The following AKR1C3 variants were observed in gnomAD, a reference collection of about 807,000 sequenced individuals.
AKR1C3 encodes 3-alpha hydroxysteroid dehydrogenase, type II.
A neutral mutation model predicts 43.6 loss-of-function variants in AKR1C3; 48 were observed. That is an observed-to-expected ratio of 1.10 (90% CI 0.87 to 1.40). The LOEUF is 1.40. Among genes scored for constraint, AKR1C3 ranks in the 40% most tolerant of loss-of-function variants. The probability of loss-of-function intolerance (pLI) is 0.00; values close to 1 mark genes in which losing one functional copy is unlikely to be tolerated. For missense variants in AKR1C3, 482 were observed against 391.2 expected, an observed-to-expected ratio of 1.23 and a Z score of -1.96; for synonymous variants, 162 against 139.6, an observed-to-expected ratio of 1.16 and a Z score of -1.13.
At chr10:5,052,842 T>G (rs1838179720) in intron 1 of AKR1C3, among the ~76,000 whole-genome samples, 1 of 151,968 alleles carries the variant, frequency 6.6e-6, no homozygotes, top group African/African-American at 2.4e-5. Context: ...TGCAGGGTGC[T>G]GATTGGTGTG....
At chr10:5,082,851 G>C (rs572378090) in intron 1 of AKR1C3, among the ~76,000 whole-genome samples, 17 of 152,266 alleles carry the variant, frequency 1.1e-4, no homozygotes, top group African/African-American at 3.6e-4. Context: ...TTTTAAAAGA[G>C]ATTCCATAAA....
chr10:5,074,823 G>C (rs1278053889), intron 1 of AKR1C3, among the ~76,000 whole-genome samples: 2 of 152,174 alleles, frequency 1.3e-5, no homozygotes, highest in Non-Finnish European at 2.9e-5. Flanking sequence ...TATCTTTACA[G>C]TTGCGGTCAC....
chr10:5,055,587 A>C (rs1314421295), intron 1 of AKR1C3, among the ~76,000 whole-genome samples: 1 of 152,186 alleles, frequency 6.6e-6, no homozygotes, highest in East Asian at 1.9e-4. Flanking sequence ...TTGCTACTAC[A>C]TTAATTTCCT....
intron 1 of AKR1C3, among the ~76,000 whole-genome samples, chr10:5,063,995 GT>G (rs1212506602): frequency 3.3e-5 from 5 of 152,096 alleles, no homozygotes; most frequent in African/African-American, 9.7e-5. Context: ...TTTCAGGAAT[GT>G]TTACAGCATC....
chr10:5,059,445 C>G (rs1398165526), intron 1 of AKR1C3, among the ~76,000 whole-genome samples: 3 of 152,158 alleles, frequency 2.0e-5, no homozygotes, highest in Admixed American at 6.5e-5. Context: ...CAGGGTCAAC[C>G]AACTTGTCAT....
chr10:5,055,316 A>T (rs1227945593), intron 1 of AKR1C3, among the ~76,000 whole-genome samples: 1 of 152,172 alleles, frequency 6.6e-6, no homozygotes, highest in Non-Finnish European at 1.5e-5. Flanking sequence ...GTCATGCTCA[A>T]TTGGTTCCCC....
At chr10:5,094,823 C>T (rs1228943835) in intron 1 of AKR1C3, among the ~76,000 whole-genome samples, 4 of 152,110 alleles carry the variant, frequency 2.6e-5, no homozygotes, top group African/African-American at 9.7e-5. Context: ...TGGTCATCTC[C>T]CTCTGGTGGA....
chr10:5,099,362 G>A lies in AKR1C3; in HGVS notation c.483G>A (p.Lys161=), dbSNP rs782550556. The A allele has an allele frequency of 3.7e-6, 6 of 1,614,058 alleles. No homozygotes were observed. The highest frequency in any genetic ancestry group is 2.2e-5 in the South Asian group (2 of 91,086). ...AGTGTAAGGATGCAGGATTGGCCAAGTCCATTGGGGTGTCAAACTTCAACC... is the reference window on the plus strand; with the variant it reads ...AGTGTAAGGATGCAGGATTGGCCAAATCCATTGGGGTGTCAAACTTCAACC... The part of the protein sequence containing the change: ...MEKCKDAGLA[K]SIGVSNFNRR... Residue 161 remains lysine, a synonymous_variant, in exon 5 of 9, where the codon AAG becomes AAA. Coordinates refer to ENST00000380554, the MANE Select transcript of AKR1C3 (RefSeq NM_003739.6).
rs536523494 is a variant in AKR1C3, at chr10:5,084,025, G to T, written c.85-12385G>T. The stretch of plus-strand genomic sequence containing the variant: ...TGCAAAAATTTTCTCCCATTCTGTA[G>T]GTTGCCTGTTCACTCTGATGGTAAT... On this transcript the variant is annotated intron_variant, in intron 1 of 8. Coordinates refer to the AKR1C3 transcript ENST00000439082. 3.3e-5 allele frequency among the ~76,000 whole-genome samples: 5 copies of T among 152,250 alleles called. No individual in the cohort carries two copies. The East Asian group carries it at 9.6e-4, about 29-fold the overall frequency.
At chr10:5,092,258 A>T (rs1839108587), upstream of AKR1C3, among the ~76,000 whole-genome samples, 1 of 152,050 alleles carries the variant, frequency 6.6e-6, no homozygotes, top group Non-Finnish European at 1.5e-5. Flanking sequence ...ATTTTAATGT[A>T]TGTGGGCCTT....
intron 7 of AKR1C3, among the ~76,000 whole-genome samples, chr10:5,104,613 G>C (rs1353331027): frequency 1.3e-5 from 2 of 152,054 alleles, no homozygotes; most frequent in Non-Finnish European, 2.9e-5. Context: ...ATCCATGAAA[G>C]AGTACATATT....
At chr10:5,063,421 T>TA (rs782447595) in intron 1 of AKR1C3, among the ~76,000 whole-genome samples, 11 of 152,214 alleles carry the variant, frequency 7.2e-5, no homozygotes, top group African/African-American at 1.9e-4. Context: ...AATGTCATTT[T>TA]AAAAAATCAC....
intron 1 of AKR1C3, among the ~76,000 whole-genome samples, chr10:5,087,535 G>T (rs1208860378): frequency 2.6e-5 from 4 of 151,634 alleles, no homozygotes; most frequent in Non-Finnish European, 5.9e-5. Flanking sequence ...ACCATGCCTG[G>T]CTACTGTTTT....
Position 5,107,535 on chromosome 10 carries a change from G to A in AKR1C3, c.*32G>A, listed in dbSNP as rs781841468. On this transcript the variant is annotated 3_prime_UTR_variant, in exon 9 of 9. Transcript: ENST00000380554. ...GGGCTTTGCCTGATGTCTACCAGAA[G>A]CCCTGTGTGTGGATGGTGACGCAGA... 1.3e-6 allele frequency: 2 copies of A among 1,542,416 alleles called. No homozygotes were observed. The highest frequency in any genetic ancestry group is 1.8e-6 in the Non-Finnish European group (2 of 1,117,102).
At chr10:5,063,789 AGGAAAAT>A (rs1838434937) in intron 1 of AKR1C3, among the ~76,000 whole-genome samples, 1 of 134,908 alleles carries the variant, frequency 7.4e-6, no homozygotes, top group Non-Finnish European at 1.6e-5. Context: ...AAAAAAAAAA[AGGAAAAT>A]GGCACAAGTA....
intron 4 of AKR1C3, 113 bp downstream of exon 4, chr10:5,098,992 C>A: frequency 1.0e-6 from 1 of 966,828 alleles, no homozygotes; most frequent in Non-Finnish European, 1.5e-6. Context: ...AATTCAGAAA[C>A]TTTACAAGAG....
At chr10:5,095,300 T>C (rs971737018) in intron 1 of AKR1C3, among the ~76,000 whole-genome samples, 8 of 152,100 alleles carry the variant, frequency 5.3e-5, no homozygotes, top group Admixed American at 1.3e-4. Context: ...TTTGAGTCTC[T>C]CACTTTATCG....
chr10:5,085,435 T>G (rs1440336102), intron 1 of AKR1C3, among the ~76,000 whole-genome samples: 1 of 150,576 alleles, frequency 6.6e-6, no homozygotes, highest in Non-Finnish European at 1.5e-5. Flanking sequence ...CCCACTTGAT[T>G]ATGGTGGATA....
At chr10:5,070,354 TAATG>T (rs1838592921) in intron 1 of AKR1C3, among the ~76,000 whole-genome samples, 1 of 151,988 alleles carries the variant, frequency 6.6e-6, no homozygotes, top group South Asian at 2.1e-4. Flanking sequence ...AGCAAAGAAA[TAATG>T]AAGCAACAAA....
Sources: gnomAD v4.1 joint callset for allele counts (sites outside exome capture counted in the v4.1 genomes callset) on GRCh38, gnomAD v4.1.1 for gene constraint, MANE v1.5 for transcripts, NCBI Gene and HGNC (gene_info 2026-07-23, HGNC 2026-07-21) for gene names.